Variants in ECT2 observed in about 807,000 individuals in gnomAD.
ECT2 encodes the protein protein ECT2.
Under a neutral mutation model 116.9 loss-of-function variants are expected in ECT2, and 61 were observed. The ratio of observed to expected loss-of-function variants is 0.52; its 90% CI spans 0.42 to 0.65. The LOEUF (loss-of-function observed/expected upper bound fraction) is 0.65, where lower values mean the gene tolerates loss of function less well. Ranked by LOEUF, ECT2 falls within the 30% of genes least tolerant of loss-of-function variation. The pLI, the probability that ECT2 is intolerant of heterozygous loss-of-function variation, is 0.00. For synonymous variants in ECT2, 358 were observed against 346.4 expected (o/e 1.03, Z -0.37); for missense variants, 937 against 1,078.7 (o/e 0.87, Z 1.84).
At chr3:172,818,808 G>A (rs1730234386) in intron 24 of ECT2, 1 of 1,213,464 alleles carries the variant, frequency 8.2e-7, no homozygotes, top group Non-Finnish European at 1.1e-6. Flanking sequence ...GCCTCATGAA[G>A]TTTAATGTGA....
chr3:172,754,516 A>T lies in ECT2; in HGVS notation c.-15A>T. 1.3e-6 allele frequency: 2 copies of T among 1,580,242 alleles called. No homozygotes were observed. The highest frequency in any genetic ancestry group is 1.7e-6 in the Non-Finnish European group (2 of 1,166,568). On this transcript the variant is annotated 5_prime_UTR_variant, in exon 2 of 25. Transcript: ENST00000392692. Reference sequence around the variant, plus strand: ...CAAATTTTATTTTTTCAGCTGATTTAGAAGAATACAAATCATGGCTGAAAA... The same window carrying T: ...CAAATTTTATTTTTTCAGCTGATTTTGAAGAATACAAATCATGGCTGAAAA...
intron 13 of ECT2, among the ~76,000 whole-genome samples, chr3:172,772,708 T>C (rs1720884654): frequency 6.6e-6 from 1 of 152,234 alleles, no homozygotes; most frequent in South Asian, 2.1e-4. Flanking sequence ...CATGAAGATT[T>C]TCTCTTCTGT....
chr3:172,826,198 C>G (rs1730838485), downstream of ECT2, among the ~76,000 whole-genome samples: 6 of 152,166 alleles, frequency 3.9e-5, no homozygotes, highest in Admixed American at 3.9e-4. Context: ...CCCGGTCAAT[C>G]TAAGACTTTC....
chr3:172,776,743 C>A (rs1721804361), intron 14 of ECT2, among the ~76,000 whole-genome samples: 1 of 152,138 alleles, frequency 6.6e-6, no homozygotes, highest in Admixed American at 6.5e-5. Flanking sequence ...GATGAATACA[C>A]CATGTAAATG....
the ECT2 span, chr3:172,829,225 G>T: frequency 5.4e-5 from 17 of 315,372 alleles, no homozygotes; most frequent in Non-Finnish European, 8.4e-5. Context: ...CCAAAAATTG[G>T]TATCTTTATT....
chr3:172,780,704 T>A (rs1298278223), intron 14 of ECT2, among the ~76,000 whole-genome samples: 4 of 152,192 alleles, frequency 2.6e-5, no homozygotes, highest in African/African-American at 9.6e-5. Context: ...TTTCTCCACA[T>A]TCTTTAAAAA....
chr3:172,789,049 C>A (rs1164032373), intron 18 of ECT2, among the ~76,000 whole-genome samples: 2 of 118,942 alleles, frequency 1.7e-5, no homozygotes, highest in African/African-American at 5.8e-5. Flanking sequence ...CAGAGCAAGA[C>A]TCTGTCTCAA....
At chr3:172,756,078 G>A (rs76258256) in intron 4 of ECT2, among the ~76,000 whole-genome samples, 1,566 of 152,118 alleles carry the variant, frequency 0.01, 33 homozygotes, top group African/African-American at 0.035. Flanking sequence ...TCCTCTTATT[G>A]GGACACCAGG....
At chr3:172,776,347 C>T (rs1222064872) in intron 14 of ECT2, among the ~76,000 whole-genome samples, 1 of 151,778 alleles carries the variant, frequency 6.6e-6, no homozygotes, top group Non-Finnish European at 1.5e-5. Context: ...ACCGTGAAAC[C>T]AGTACGTGCC....
At chr3:172,782,123 T>C in intron 14 of ECT2, 40 bp from the exon 15 acceptor site, 1 of 1,253,294 alleles carries the variant, frequency 8.0e-7, no homozygotes, top group Non-Finnish European at 1.1e-6. Flanking sequence ...TAAGGAGCTG[T>C]CAGGTTTAAT....
chr3:172,812,583 CT>C (rs2109262519), intron 22 of ECT2, among the ~76,000 whole-genome samples: 1 of 151,996 alleles, frequency 6.6e-6, no homozygotes, highest in Admixed American at 6.6e-5. Flanking sequence ...GAAGAATATA[CT>C]TTTGATTTTT....
At position 172,759,003 on chromosome 3, in the gene ECT2, G is replaced by C; in HGVS notation, c.510G>C (p.Pro170=). ...KGEPLPFSCR[P]LYCTSMMNLV... ...AGCCTTTGCCATTTTCATGTCGCCCGTTGTATTGTACAAGTATGATGAATC... is the reference window on the plus strand; with the variant it reads ...AGCCTTTGCCATTTTCATGTCGCCCCTTGTATTGTACAAGTATGATGAATC... Residue 170 remains proline, a synonymous_variant, in exon 6 of 25, where the codon CCG becomes CCC. Transcript: ENST00000392692. The C allele has an allele frequency of 6.2e-7, 1 of 1,610,506 alleles. No individual in the cohort carries two copies.
In ECT2 at chr3:172,755,053, C is replaced by T. The variant is rs549165637; in HGVS notation, c.131-242C>T. ...GGATGACTATGTAAGATAGCGCATT[C>T]TCTGGCTAGGAGGAATGCTGATGTT... is the stretch of plus-strand genomic sequence containing the variant. On this transcript the variant is annotated intron_variant, in intron 2 of 24. Transcript: ENST00000392692. Among the ~76,000 whole-genome samples, 4 of 151,864 alleles carry T rather than the reference C, an allele frequency of 2.6e-5. No homozygotes were observed. In the East Asian group the frequency reaches 7.7e-4, roughly 29 times the overall value.
intron 18 of ECT2, among the ~76,000 whole-genome samples, chr3:172,795,721 CTA>C (rs1403995034): frequency 1.3e-5 from 2 of 152,056 alleles, no homozygotes; most frequent in Non-Finnish European, 2.9e-5. Flanking sequence ...ACATTTATAA[CTA>C]AACTTTGCAA....
intron 24 of ECT2, 30 bp from the exon 25 acceptor site, chr3:172,820,118 A>T: frequency 6.5e-7 from 1 of 1,541,324 alleles, no homozygotes; most frequent in Non-Finnish European, 8.8e-7. Context: ...GGAAAATTTA[A>T]AATATGAAAT....
Position 172,759,088 on chromosome 3 carries a change from A to C in ECT2, c.576+19A>C. 6.6e-7 allele frequency: 1 copy of C among 1,506,286 alleles called. No individual in the cohort carries two copies. Among genetic ancestry groups the C allele is most frequent in the African/African-American group, 1.4e-5 (1 of 71,222 alleles). The allele number at this position is 1,506,286 out of a possible 1,614,324, so 93.3% of individuals were successfully genotyped here. On this transcript the variant is annotated intron_variant, in intron 6 of 24. Transcript: ENST00000392692. ...AGAACTAGTAAGTATTACGAAACAA[A>C]TTCAAAGCGTATTTTTTACAGCAAA...
At chr3:172,829,066 G>T in the ECT2 span, 2 of 713,000 alleles carry the variant, frequency 2.8e-6, no homozygotes, top group Non-Finnish European at 5.2e-6. Context: ...CTGTTTAGAT[G>T]AACTCTCTGG....
At chr3:172,775,807 T>C (rs1721554488) in intron 14 of ECT2, among the ~76,000 whole-genome samples, 1 of 152,032 alleles carries the variant, frequency 6.6e-6, no homozygotes, top group South Asian at 2.1e-4. Flanking sequence ...CTAATTTTTG[T>C]ATATTTAGTG....
intron 12 of ECT2, among the ~76,000 whole-genome samples, chr3:172,768,402 T>C (rs951838464): frequency 6.6e-6 from 1 of 152,222 alleles, no homozygotes; most frequent in African/African-American, 2.4e-5. Flanking sequence ...AACACAGATA[T>C]AATACACACG....
Sources: gnomAD v4.1 joint callset for allele counts (sites outside exome capture counted in the v4.1 genomes callset) on GRCh38, gnomAD v4.1.1 for gene constraint, MANE v1.5 for transcripts, NCBI Gene and HGNC (gene_info 2026-07-23, HGNC 2026-07-21) for gene names.